CMSS1: variants seen among roughly 807,000 people sequenced by gnomAD.
The protein encoded by CMSS1 is protein CMSS1.
In CMSS1, 33 loss-of-function variants were observed where a neutral mutation model predicts 43.5. That is an observed-to-expected ratio of 0.76 (90% CI 0.57 to 1.01). The LOEUF (loss-of-function observed/expected upper bound fraction) is 1.01. Ranked by LOEUF, CMSS1 falls within the 50% of genes least tolerant of loss-of-function variation. The probability of loss-of-function intolerance (pLI) is 0.00; values close to 1 mark genes in which losing one functional copy is unlikely to be tolerated. For missense variants in CMSS1, 313 were observed against 326.4 expected, an observed-to-expected ratio of 0.96 and a Z score of 0.32; for synonymous variants, 115 against 117.2, an observed-to-expected ratio of 0.98 and a Z score of 0.12.
intron 1 of CMSS1, among the ~76,000 whole-genome samples, chr3:99,828,989 C>T (rs927361025): frequency 3.3e-5 from 5 of 152,038 alleles, no homozygotes; most frequent in African/African-American, 1.2e-4. Context: ...GCCCAGGCCT[C>T]TAGCTCCTTC....
intron 1 of CMSS1, among the ~76,000 whole-genome samples, chr3:99,842,117 A>T (rs1943159563): frequency 6.6e-6 from 1 of 152,186 alleles, no homozygotes; most frequent in African/African-American, 2.4e-5. Flanking sequence ...GATAAAGAAA[A>T]TGTGGTATAT....
chr3:100,067,754 A>T (rs757823206), intron 1 of CMSS1, among the ~76,000 whole-genome samples: 2 of 152,046 alleles, frequency 1.3e-5, no homozygotes, highest in Non-Finnish European at 2.9e-5. Context: ...ATACCACACT[A>T]CTTTGAAATA....
chr3:99,849,494 C>T lies in CMSS1; in HGVS notation c.64+31451C>T, dbSNP rs749879867. On this transcript the variant is annotated intron_variant, in intron 1 of 9. Transcript: ENST00000421999. ...ATTAGGTCTTCAGTTGCCATGTATT[C>T]ATGAATTTTCTCTTTTAATGCATCC... 6.8e-6 allele frequency: 11 copies of T among 1,613,188 alleles called. No homozygotes were observed. In the East Asian group the frequency reaches 2.5e-4, roughly 36 times the overall value.
chr3:100,175,051 T>C lies in CMSS1; in HGVS notation c.668-1276T>C, dbSNP rs1015083934. Among the ~76,000 whole-genome samples, 11 of 152,340 alleles carry C rather than the reference T, an allele frequency of 7.2e-5. No individual in the cohort carries two copies. In the East Asian group the frequency reaches 2.1e-3, roughly 29 times the overall value. Reference sequence around the variant, plus strand: ...TATATCTCATGAGGACTTACCTTCCTTGTCATGAAGCACGTTTAATTTTTC... The same window carrying C: ...TATATCTCATGAGGACTTACCTTCCCTGTCATGAAGCACGTTTAATTTTTC... On this transcript the variant is annotated intron_variant, in intron 8 of 9. Transcript: ENST00000421999.
At chr3:100,157,702 G>A in intron 2 of CMSS1, among the ~76,000 whole-genome samples, 1 of 152,210 alleles carries the variant, frequency 6.6e-6, no homozygotes, top group East Asian at 1.9e-4. Flanking sequence ...CCCTGGCCCA[G>A]CCTTGATCCT....
chr3:100,132,334 T>C (rs2066715324), intron 1 of CMSS1, among the ~76,000 whole-genome samples: 2 of 152,062 alleles, frequency 1.3e-5, no homozygotes, highest in African/African-American at 4.8e-5. Flanking sequence ...GCCCAGCAGT[T>C]CAAGGCTATA....
At chr3:99,897,796 G>A (rs1706306833) in intron 1 of CMSS1, among the ~76,000 whole-genome samples, 1 of 152,168 alleles carries the variant, frequency 6.6e-6, no homozygotes, top group Non-Finnish European at 1.5e-5. Flanking sequence ...ATCATAGAGG[G>A]ATTCTGTAAG....
chr3:99,930,023 C>G, intron 1 of CMSS1: 1 of 1,605,130 alleles, frequency 6.2e-7, no homozygotes, highest in Non-Finnish European at 8.5e-7. Context: ...ATGACCTCAT[C>G]TCGAGCCTGT....
intron 1 of CMSS1, among the ~76,000 whole-genome samples, chr3:99,881,197 T>C (rs945487734): frequency 1.3e-5 from 2 of 152,188 alleles, no homozygotes; most frequent in African/African-American, 2.4e-5. Flanking sequence ...GTAAGTAGAA[T>C]GACTTAGAAA....
chr3:100,132,542 A>G (rs2066717005), intron 1 of CMSS1, among the ~76,000 whole-genome samples: 1 of 151,838 alleles, frequency 6.6e-6, no homozygotes, highest in African/African-American at 2.4e-5. Flanking sequence ...AATAAAGGCC[A>G]GGTGCGGTGG....
chr3:100,026,934 C>G (rs1409646075), intron 1 of CMSS1, among the ~76,000 whole-genome samples: 1 of 151,930 alleles, frequency 6.6e-6, no homozygotes, highest in Non-Finnish European at 1.5e-5. Flanking sequence ...ATAAGACTCT[C>G]CGACCTCATC....
chr3:99,826,019 G>A (rs745431698), intron 1 of CMSS1, among the ~76,000 whole-genome samples: 17 of 151,670 alleles, frequency 1.1e-4, no homozygotes, highest in African/African-American at 3.4e-4. Context: ...CTCATGATCC[G>A]CCTGCCTCCG....
intron 1 of CMSS1, among the ~76,000 whole-genome samples, chr3:100,118,776 T>C (rs1318225747): frequency 1.3e-5 from 2 of 152,120 alleles, no homozygotes; most frequent in African/African-American, 4.8e-5. Context: ...AAAATAGGTA[T>C]CTGTATGGGG....
At chr3:100,144,980 G>A (rs1436652995) in intron 1 of CMSS1, among the ~76,000 whole-genome samples, 1 of 152,070 alleles carries the variant, frequency 6.6e-6, no homozygotes, top group Admixed American at 6.5e-5. Flanking sequence ...CTTCGCCAGA[G>A]GGGTAGGGAA....
Position 100,180,643 on chromosome 3 carries a change from A to AG in CMSS1, c.*2255_*2256insG, listed in dbSNP as rs2067178998. The AG allele has an allele frequency of 6.6e-6, 1 of 152,432 alleles. No homozygotes were observed. Among genetic ancestry groups the AG allele is most frequent in the Non-Finnish European group, 1.5e-5 (1 of 68,232 alleles). 9.4% of individuals were successfully genotyped at this position (152,432 alleles called of 1,614,324 possible). A position where few individuals can be genotyped will look rare whatever the true frequency, so the allele number is the denominator to read the frequency against. On this transcript the variant is annotated 3_prime_UTR_variant, in exon 10 of 10. Coordinates refer to ENST00000421999, the MANE Select transcript of CMSS1 (RefSeq NM_032359.4). ...CAGCCTGGACTTCATTGTCCATATC[A>AG]CTATCAGCATTTTGGTCAAAACTGT... is the stretch of plus-strand genomic sequence containing the variant.
intron 1 of CMSS1, chr3:99,850,969 TTCAGCTTGG>T: frequency 6.2e-7 from 1 of 1,614,188 alleles, no homozygotes; most frequent in Non-Finnish European, 8.5e-7. Flanking sequence ...AGCAAAAGAC[TTCAGCTTGG>T]TCAGCTCCTC....
chr3:100,023,876 A>G (rs956715856), intron 1 of CMSS1, among the ~76,000 whole-genome samples: 4 of 152,196 alleles, frequency 2.6e-5, no homozygotes, highest in African/African-American at 9.6e-5. Flanking sequence ...TTACTCATCA[A>G]ATAATTTTAG....
chr3:99,829,247 T>G (rs188701201), intron 1 of CMSS1, among the ~76,000 whole-genome samples: 2 of 152,178 alleles, frequency 1.3e-5, no homozygotes, highest in East Asian at 1.9e-4. Context: ...CCCCCTCGAT[T>G]GAAGCTTTTT....
chr3:99,957,693 C>CTTTTTATTTTT (rs1708365092), intron 1 of CMSS1, among the ~76,000 whole-genome samples: 1 of 19,894 alleles, frequency 5.0e-5, no homozygotes, highest in Non-Finnish European at 1.1e-4. Context: ...TTCTTTCTTT[C>CTTTTTATTTTT]TTTTTTTTTT....
Sources: allele counts gnomAD v4.1 joint callset (sites outside exome capture counted in the v4.1 genomes callset), GRCh38; gene constraint gnomAD v4.1.1; transcripts MANE v1.5; gene names NCBI Gene and HGNC (gene_info 2026-07-23, HGNC 2026-07-21).